The following ZNF521 variants were observed in gnomAD, a reference collection of about 807,000 sequenced individuals.
The protein encoded by ZNF521 is LYST-interacting protein 3.
In ZNF521, 14 loss-of-function variants were observed where a neutral mutation model predicts 105.5. That is an observed-to-expected ratio of 0.13 (90% CI 0.09 to 0.21). ZNF521 has a LOEUF of 0.21. Ranked by LOEUF, ZNF521 falls within the 10% of genes least tolerant of loss-of-function variation. The pLI is 1.00. For missense variants in ZNF521, 1,233 were observed against 1,629.7 expected (o/e 0.76, Z 4.19); for synonymous variants, 635 against 606.0 (o/e 1.05, Z -0.70).
intron 5 of ZNF521, among the ~76,000 whole-genome samples, chr18:25,178,522 G>T (rs1021064403): frequency 6.6e-6 from 1 of 152,270 alleles, no homozygotes; most frequent in African/African-American, 2.4e-5. Context: ...TACTCAGGAC[G>T]ATTTACCCTG....
intron 3 of ZNF521, among the ~76,000 whole-genome samples, chr18:25,248,158 G>A (rs939875560): frequency 2.0e-5 from 3 of 152,020 alleles, no homozygotes; most frequent in African/African-American, 4.8e-5. Flanking sequence ...ACACACACAC[G>A]TCTGATAGGA....
chr18:25,277,246 A>G (rs76445700), intron 3 of ZNF521, among the ~76,000 whole-genome samples: 2,326 of 152,146 alleles, frequency 0.015, 54 homozygotes, highest in East Asian at 0.083. Context: ...TAAGCATTAT[A>G]TATTTATTAA....
intron 2 of ZNF521, among the ~76,000 whole-genome samples, chr18:25,334,836 A>C (rs568256767): frequency 1.8e-4 from 27 of 152,346 alleles, no homozygotes; most frequent in African/African-American, 5.5e-4. Flanking sequence ...AACTTCATCC[A>C]GAATAGAAAG....
intron 5 of ZNF521, among the ~76,000 whole-genome samples, chr18:25,184,747 C>T (rs8097901): frequency 0.024 from 3,691 of 152,240 alleles, 158 homozygotes; most frequent in African/African-American, 0.085. Flanking sequence ...TGCTGCGCAA[C>T]AGCCCAGCCT....
At chr18:25,142,114 G>T (rs546465305) in intron 5 of ZNF521, among the ~76,000 whole-genome samples, 3 of 152,080 alleles carry the variant, frequency 2.0e-5, no homozygotes, top group African/African-American at 4.8e-5. Flanking sequence ...ACATATGGAA[G>T]AATGAGCTTG....
rs536866372 is a variant in ZNF521 at position 25,074,735 on chromosome 18, A to AG, written c.3907-11995dup. Reference sequence around the variant, plus strand: ...GCCAAGAAGAGCTTCTATTTGCTTCAGAAACCCACACGTGAAGTTCCCATT... The same window carrying AG: ...GCCAAGAAGAGCTTCTATTTGCTTCAGGAAACCCACACGTGAAGTTCCCATT... On this transcript the variant is annotated intron_variant, in intron 7 of 7. Transcript: ENST00000361524. Among the ~76,000 whole-genome samples the AG allele has an allele frequency of 5.6e-4, 85 of 152,246 alleles. 1 individual carries two copies. In the East Asian group the frequency reaches 0.012, roughly 21 times the overall value.
intron 7 of ZNF521, among the ~76,000 whole-genome samples, chr18:25,088,472 G>C (rs1363169745): frequency 1.3e-5 from 2 of 151,880 alleles, no homozygotes; most frequent in African/African-American, 4.8e-5. Context: ...TCCCACCTCG[G>C]CCTCCCAAAG....
chr18:25,281,888 G>A (rs532963054), intron 3 of ZNF521, among the ~76,000 whole-genome samples: 1 of 152,090 alleles, frequency 6.6e-6, no homozygotes, highest in East Asian at 1.9e-4. Context: ...ATCACAGGCG[G>A]TACTTCATCA....
chr18:25,093,433 G>C (rs1277978919), intron 5 of ZNF521, among the ~76,000 whole-genome samples: 1 of 152,144 alleles, frequency 6.6e-6, no homozygotes, highest in Non-Finnish European at 1.5e-5. Context: ...AGGGTAACAA[G>C]TCTACACTGC....
Position 25,322,200 on chromosome 18 carries a change from A to C in ZNF521, c.41-13T>G, listed in dbSNP as rs1286170976. The stretch of plus-strand genomic sequence containing the variant: ...TTACAGTTGGGGTCTGAAAAATATC[A>C]ACACTGTAAGTATGGGGTTTAAAGA... On this transcript the variant is annotated splice_polypyrimidine_tract_variant and intron_variant, in intron 2 of 7. Transcript: ENST00000361524. 1 of 1,613,340 alleles carries C rather than the reference A, an allele frequency of 6.2e-7. No individual in the cohort carries two copies. The highest frequency in any genetic ancestry group is 1.7e-5 in the Admixed American group (1 of 60,018).
At chr18:25,190,453 A>T (rs1449041856) in intron 5 of ZNF521, among the ~76,000 whole-genome samples, 1 of 152,162 alleles carries the variant, frequency 6.6e-6, no homozygotes, top group African/African-American at 2.4e-5. Flanking sequence ...GTTTAAAGGG[A>T]GACATGGACC....
rs199704380 is a variant in ZNF521 at position 25,085,223 on chromosome 18, A to ATG, written c.3906+4240_3906+4241dup. ...TTGCTACAAATTATATTATATTTTT[A>ATG]TGTGTATATATATATATAAGTATAA... On this transcript the variant is annotated intron_variant, in intron 7 of 7. Coordinates refer to ENST00000361524, the MANE Select transcript of ZNF521 (RefSeq NM_015461.3). Among the ~76,000 whole-genome samples the ATG allele has an allele frequency of 2.3e-4, 33 of 144,102 alleles. No homozygotes were observed. In the East Asian group the frequency reaches 3.3e-3, roughly 14 times the overall value. 94.5% of individuals were successfully genotyped at this position (144,102 alleles called of 152,430 possible).
intron 2 of ZNF521, among the ~76,000 whole-genome samples, chr18:25,349,377 A>G (rs919556475): frequency 1.3e-5 from 2 of 152,136 alleles, no homozygotes; most frequent in African/African-American, 4.8e-5. Context: ...CCCCAGAAAA[A>G]TGAGGGGCCC....
At chr18:25,292,024 T>C (rs1911060500) in intron 3 of ZNF521, among the ~76,000 whole-genome samples, 1 of 152,064 alleles carries the variant, frequency 6.6e-6, no homozygotes, top group Non-Finnish European at 1.5e-5. Context: ...GCTCAATGAA[T>C]ATTTATTGAA....
chr18:25,188,346 C>T (rs1018693536), intron 5 of ZNF521, among the ~76,000 whole-genome samples: 7 of 152,134 alleles, frequency 4.6e-5, no homozygotes, highest in Non-Finnish European at 1.0e-4. Context: ...TCCATATTGG[C>T]TCCCTTTCCT....
intron 4 of ZNF521, among the ~76,000 whole-genome samples, chr18:25,199,927 T>C (rs1333235268): frequency 6.6e-6 from 1 of 152,044 alleles, no homozygotes; most frequent in Non-Finnish European, 1.5e-5. Context: ...GCTCACATAA[T>C]TTTATAAACT....
rs201299379 is a variant in ZNF521, at chr18:25,227,108, G to A, written c.810C>T (p.Pro270=). The change falls in exon 4 of 8, where the codon CCC becomes CCT. Residue 270 remains proline, a synonymous_variant. Transcript: ENST00000361524. The surrounding 1 kb of genome is among the most constrained non-coding windows in gnomAD (Gnocchi z 5.7). ...DLQKHIAECH[P]ECSPNEDRAA... is the part of the protein sequence containing the mutation. ...CTCGGTCCTCATTTGGGGAGCATTC[G>A]GGGTGGCACTCTGCAATGTGTTTTT... 2.4e-5 allele frequency: 38 copies of A among 1,614,118 alleles called. No homozygotes were observed. The Admixed American group carries it at 3.3e-4, about 14-fold the overall frequency.
intron 2 of ZNF521, among the ~76,000 whole-genome samples, chr18:25,350,193 C>T (rs1007866180): frequency 2.0e-5 from 3 of 152,172 alleles, no homozygotes; most frequent in Non-Finnish European, 2.9e-5. Context: ...CCAACAGGGA[C>T]GACGGAGAGC....
intron 5 of ZNF521, among the ~76,000 whole-genome samples, chr18:25,181,387 G>A (rs1567997866): frequency 6.6e-6 from 1 of 152,232 alleles, no homozygotes; most frequent in East Asian, 1.9e-4. Flanking sequence ...ATAACATGCA[G>A]CATGGAGCAA....
Sources: allele counts gnomAD v4.1 joint callset (sites outside exome capture counted in the v4.1 genomes callset), GRCh38; gene constraint gnomAD v4.1.1; non-coding constraint Gnocchi (gnomAD v3.1); transcripts MANE v1.5; gene names NCBI Gene and HGNC (gene_info 2026-07-23, HGNC 2026-07-21).